The following CHRDL1 variants were observed in gnomAD, a reference collection of about 807,000 sequenced individuals.
CHRDL1 encodes the protein chordin like 1.
A neutral mutation model predicts 40.9 loss-of-function variants in CHRDL1; 19 were observed. The observed-to-expected ratio is 0.46, with a 90% CI of 0.32 to 0.68. The LOEUF is 0.68. Ranked by LOEUF, CHRDL1 falls within the 30% of genes least tolerant of loss-of-function variation. The probability of loss-of-function intolerance (pLI) is 0.03; values close to 1 mark genes in which losing one functional copy is unlikely to be tolerated. For missense variants in CHRDL1, 329 were observed against 352.1 expected, an observed-to-expected ratio of 0.93 and a Z score of 0.53; for synonymous variants, 136 against 123.4, an observed-to-expected ratio of 1.10 and a Z score of -0.68.
intron 6 of CHRDL1, among the ~76,000 whole-genome samples, chrX:110,718,471 G>A (rs1159172288): frequency 1.8e-5 from 2 of 112,236 alleles, no homozygotes; most frequent in African/African-American, 6.5e-5. Context: ...ATCCTGCATG[G>A]TCTAATTCCT....
chrX:110,779,147 T>C (rs1458726714), intron 2 of CHRDL1, among the ~76,000 whole-genome samples: 2 of 110,957 alleles, frequency 1.8e-5, no homozygotes, highest in Non-Finnish European at 3.8e-5. Context: ...ACCTATTGAG[T>C]ACTATGCTTA....
intron 9 of CHRDL1, among the ~76,000 whole-genome samples, chrX:110,688,217 C>T (rs1313079092): frequency 9.0e-6 from 1 of 111,033 alleles, no homozygotes; most frequent in Non-Finnish European, 1.9e-5. Flanking sequence ...ACTCACCTGC[C>T]TCTCGTCCTG....
Position 110,762,726 on chromosome X carries a change from A to G in CHRDL1, c.176T>C (p.Leu59Ser). 1 of 1,186,458 alleles carries G rather than the reference A, an allele frequency of 8.4e-7. No homozygotes were observed. Among genetic ancestry groups the G allele is most frequent in the Non-Finnish European group, 1.1e-6 (1 of 874,526 alleles). The change falls in exon 3 of 12, where the codon TTG becomes TCG. Residue 59 changes from leucine (L) to serine (S), a missense_variant. Transcript: ENST00000372042. ...RWHPYLEPYG[L>S]VYCVNCICSE... is the part of the protein sequence containing the mutation. Reference sequence around the variant, plus strand: ...GCAGATGCAGTTCACGCAGTAAACCAACCCATAAGGTTCCAGGTAAGGATG... The same window carrying G: ...GCAGATGCAGTTCACGCAGTAAACCGACCCATAAGGTTCCAGGTAAGGATG...
At chrX:110,698,138 C>A (rs73528205) in intron 7 of CHRDL1, among the ~76,000 whole-genome samples, 10,170 of 110,772 alleles carry the variant, frequency 0.092, 1,238 homozygotes, top group African/African-American at 0.32. Context: ...AGGACAGTCT[C>A]CTGGATAAGA....
At chrX:110,754,108 C>T (rs16986138) in intron 4 of CHRDL1, among the ~76,000 whole-genome samples, 2,776 of 112,016 alleles carry the variant, frequency 0.025, 85 homozygotes, top group African/African-American at 0.085. Context: ...GGGCCACATG[C>T]TCTGTCTTGT....
intron 2 of CHRDL1, among the ~76,000 whole-genome samples, chrX:110,774,151 G>A (rs756909777): frequency 1.8e-5 from 2 of 111,267 alleles, no homozygotes; most frequent in African/African-American, 6.5e-5. Flanking sequence ...AATTTTCCTT[G>A]TCCTAAAGTC....
intron 6 of CHRDL1, among the ~76,000 whole-genome samples, chrX:110,705,067 T>C (rs2070595428): frequency 9.2e-6 from 1 of 108,939 alleles, no homozygotes; most frequent in Admixed American, 1.0e-4. Context: ...CCAGTCAGAA[T>C]CTCAAAGCAT....
Position 110,674,459 on chromosome X carries a change from A to ACACACC in CHRDL1, c.*1771_*1772insGGTGTG, listed in dbSNP as rs746719422. ...CGCATAACACCTTCCCCCCTTTACC[A>ACACACC]CACACACACACACACACACACACAC... On this transcript the variant is annotated 3_prime_UTR_variant, in exon 12 of 12. Transcript: ENST00000372042. The ACACACC allele has an allele frequency of 9.5e-5, 4 of 42,118 alleles. No homozygotes were observed. The East Asian group carries it at 5.7e-3, about 60-fold the overall frequency. The allele number at this position is 42,118 out of a possible 1,213,427, so 3.5% of individuals were successfully genotyped here.
chrX:110,689,843 CTATATATCTA>C (rs1223162780), intron 8 of CHRDL1, among the ~76,000 whole-genome samples: 1 of 18,380 alleles, frequency 5.4e-5, no homozygotes, highest in East Asian at 1.0e-3. Flanking sequence ...CTATATATAT[CTATATATCTA>C]TATATATCTA....
At chrX:110,688,484 T>C (rs764316915) in intron 9 of CHRDL1, 110 bp downstream of exon 9, 2 of 532,546 alleles carry the variant, frequency 3.8e-6, no homozygotes, top group South Asian at 3.1e-5. Context: ...TTATTAGAAA[T>C]ATTATCATTA....
At chrX:110,750,550 AG>A (rs2089338485) in intron 4 of CHRDL1, among the ~76,000 whole-genome samples, 1 of 112,585 alleles carries the variant, frequency 8.9e-6, no homozygotes, top group Non-Finnish European at 1.9e-5. Flanking sequence ...AAACAGACTA[AG>A]CTGAAAACAC....
At chrX:110,740,779 A>G (rs990141126) in intron 4 of CHRDL1, among the ~76,000 whole-genome samples, 76 of 112,122 alleles carry the variant, frequency 6.8e-4, no homozygotes, top group African/African-American at 2.4e-3. Flanking sequence ...AGCAGCTGAA[A>G]CTAAGTCTCA....
In CHRDL1 at chrX:110,676,121, G is replaced by A; in HGVS notation, c.*110C>T. 1 of 781,035 alleles carries A rather than the reference G, an allele frequency of 1.3e-6. No homozygotes were observed. The highest frequency in any genetic ancestry group is 1.8e-6 in the Non-Finnish European group (1 of 540,738). 64.4% of individuals were successfully genotyped at this position (781,035 alleles called of 1,213,427 possible). ...CTGTGCATGGCGTGAATAATTGACTGCATTTGAGTTTGGAGTTTTAGGGCA... is the reference window on the plus strand; with the variant it reads ...CTGTGCATGGCGTGAATAATTGACTACATTTGAGTTTGGAGTTTTAGGGCA... On this transcript the variant is annotated 3_prime_UTR_variant, in exon 12 of 12. Coordinates refer to ENST00000372042, the MANE Select transcript of CHRDL1 (RefSeq NM_001143981.2).
intron 2 of CHRDL1, among the ~76,000 whole-genome samples, chrX:110,770,272 C>T (rs940323764): frequency 1.8e-5 from 2 of 111,079 alleles, no homozygotes. Context: ...ATACATAATC[C>T]CAGTACAGGA....
At chrX:110,789,329 T>C (rs1382608019) in intron 2 of CHRDL1, among the ~76,000 whole-genome samples, 2 of 111,920 alleles carry the variant, frequency 1.8e-5, no homozygotes, top group African/African-American at 6.5e-5. Flanking sequence ...CTTTCATACA[T>C]AGATGGTGGG....
intron 2 of CHRDL1, among the ~76,000 whole-genome samples, chrX:110,768,568 A>G (rs181328115): frequency 3.6e-5 from 4 of 111,332 alleles, no homozygotes; most frequent in African/African-American, 1.3e-4. Flanking sequence ...AAAAGCAGGT[A>G]GAAGAAGGTG....
intron 9 of CHRDL1, 90 bp from the exon 10 acceptor site, chrX:110,681,739 C>T: frequency 1.6e-6 from 1 of 641,563 alleles, no homozygotes; most frequent in Non-Finnish European, 2.4e-6. Flanking sequence ...TTCATAACAT[C>T]TCACACTTAT....
intron 11 of CHRDL1, among the ~76,000 whole-genome samples, chrX:110,678,072 C>T (rs1326505692): frequency 9.0e-6 from 1 of 111,159 alleles, no homozygotes; most frequent in Admixed American, 9.6e-5. Flanking sequence ...TTTCACTCCA[C>T]ACAGCGAGGA....
chrX:110,719,632 G>GTTT (rs77947691), intron 6 of CHRDL1, among the ~76,000 whole-genome samples: 9 of 96,105 alleles, frequency 9.4e-5, no homozygotes, highest in African/African-American at 1.1e-4. Context: ...CCATCCTGTA[G>GTTT]TTTTTTTTTT....
Sources: gnomAD v4.1 joint callset for allele counts (sites outside exome capture counted in the v4.1 genomes callset) on GRCh38, gnomAD v4.1.1 for gene constraint, MANE v1.5 for transcripts, NCBI Gene and HGNC (gene_info 2026-07-23, HGNC 2026-07-21) for gene names.